ZNF614: variants seen among roughly 807,000 people sequenced by gnomAD.
The protein encoded by ZNF614 is zinc finger protein 614.
In ZNF614, 11 loss-of-function variants were observed where a neutral mutation model predicts 12.8. The observed-to-expected ratio is 0.86, with a 90% CI of 0.54 to 1.43. ZNF614 has a LOEUF of 1.43. Among genes scored for constraint, ZNF614 ranks in the 40% most tolerant of loss-of-function variants. The probability of loss-of-function intolerance (pLI) is 0.00; values close to 1 mark genes in which losing one functional copy is unlikely to be tolerated. For synonymous variants in ZNF614, 237 were observed against 237.5 expected (o/e 1.00, Z 0.02); for missense variants, 664 against 708.8 (o/e 0.94, Z 0.72).
Position 52,016,837 on chromosome 19 carries a change from G to A in ZNF614, c.761C>T (p.Thr254Ile). 1 of 1,613,796 alleles carries A rather than the reference G, an allele frequency of 6.2e-7. No individual in the cohort carries two copies. The highest frequency in any genetic ancestry group is 1.1e-5 in the South Asian group (1 of 91,084). The part of the protein sequence containing the change: ...VLFTKHLKTN[T>I]TDKICIPNEY... Reference sequence around the variant, plus strand: ...ATTGGGTATACAGATTTTGTCTGTTGTATTAGTTTTCAGATGCTTAGTGAA... The same window carrying A: ...ATTGGGTATACAGATTTTGTCTGTTATATTAGTTTTCAGATGCTTAGTGAA... The change falls in exon 5 of 5, where the codon ACA becomes ATA. Residue 254 changes from threonine to isoleucine, a missense_variant. Physicochemically the swap from Thr to Ile is moderately conservative, Grantham distance 89. Coordinates refer to ENST00000270649, the MANE Select transcript of ZNF614 (RefSeq NM_025040.4).
At chr19:52,025,440 T>C (rs893989679) in intron 2 of ZNF614, among the ~76,000 whole-genome samples, 2 of 152,108 alleles carry the variant, frequency 1.3e-5, no homozygotes, top group Admixed American at 6.5e-5. Context: ...TCTCCCACCT[T>C]AGCCTCCCGA....
At position 52,017,146 on chromosome 19, in the gene ZNF614, C is replaced by T; in HGVS notation, c.452G>A (p.Gly151Glu). Residue 151 changes from glycine (G) to glutamate (E), a missense_variant, in exon 5 of 5, where the codon GGA becomes GAA. Physicochemically the swap from Gly to Glu is moderately conservative, Grantham distance 98 (BLOSUM62 -2). Transcript: ENST00000270649. ...LSLINQKRRH[G>E]INNPVEFIGG... ...AATAAACTCAACAGGGTTATTTATT[C>T]CATGTCTTCTCTTCTGGTTGATTAA... 1 of 1,614,132 alleles carries T rather than the reference C, an allele frequency of 6.2e-7. No individual in the cohort carries two copies. Among genetic ancestry groups the T allele is most frequent in the South Asian group, 1.1e-5 (1 of 91,078 alleles).
At chr19:52,022,733 C>T (rs1238333521) in intron 2 of ZNF614, among the ~76,000 whole-genome samples, 1 of 152,038 alleles carries the variant, frequency 6.6e-6, no homozygotes, top group Non-Finnish European at 1.5e-5. Flanking sequence ...TAGAACAGCT[C>T]ATAGAACTCA....
chr19:52,026,585 C>CGTGGGAAGGGAAAGACCT (rs2086974938), intron 1 of ZNF614, among the ~76,000 whole-genome samples: 2 of 152,128 alleles, frequency 1.3e-5, no homozygotes, highest in Non-Finnish European at 2.9e-5. Context: ...GATATGGCCT[C>CGTGGGAAGGGAAAGACCT]GTGGGAAGGG....
At position 52,018,864 on chromosome 19, in the gene ZNF614, T is replaced by G. The variant is rs184288669; in HGVS notation, c.16-370A>C. Among the ~76,000 whole-genome samples, 42 of 152,292 alleles carry G rather than the reference T, an allele frequency of 2.8e-4. No individual in the cohort carries two copies. The East Asian group carries it at 7.9e-3, about 29-fold the overall frequency. The stretch of plus-strand genomic sequence containing the variant: ...AAGGCCCCTAAAGTTGATTAGATTT[T>G]TATTTATTTTTTAATTTTTAAAGAG... On this transcript the variant is annotated intron_variant, in intron 2 of 4. Coordinates refer to ENST00000270649, the MANE Select transcript of ZNF614 (RefSeq NM_025040.4).
chr19:52,016,237 G>A lies in ZNF614; in HGVS notation c.1361C>T (p.Pro454Leu). Reference protein sequence around the residue: ...IHQRTHTGEKPYECNECGKAF... With the variant: ...IHQRTHTGEKLYECNECGKAF... ...TTTACCACATTCATTGCATTCATAG[G>A]GTTTTTCTCCTGTATGAGTTCGCTG... Residue 454 changes from proline (P) to leucine (L), a missense_variant, in exon 5 of 5, where the codon CCC becomes CTC. Transcript: ENST00000270649. 1 of 1,614,132 alleles carries A rather than the reference G, an allele frequency of 6.2e-7. No homozygotes were observed. The highest frequency in any genetic ancestry group is 8.5e-7 in the Non-Finnish European group (1 of 1,180,026).
chr19:52,017,916 A>G (rs1003714090), intron 4 of ZNF614, 92 bp downstream of exon 4: 26 of 884,376 alleles, frequency 2.9e-5, no homozygotes, highest in Non-Finnish European at 4.5e-5. Flanking sequence ...GGAGCTGCTT[A>G]GGTACCCTCA....
intron 2 of ZNF614, among the ~76,000 whole-genome samples, chr19:52,019,237 T>C (rs2086919772): frequency 6.6e-6 from 1 of 152,072 alleles, no homozygotes; most frequent in African/African-American, 2.4e-5. Context: ...TGAAGATTAT[T>C]GGTGAATTGG....
rs1253466263 is a variant in ZNF614, at chr19:52,014,040, CTTAG to C, written c.*1796_*1799del. 1.3e-5 allele frequency: 2 copies of C among 150,300 alleles called. No homozygotes were observed. Among genetic ancestry groups the C allele is most frequent in the African/African-American group, 2.5e-5 (1 of 40,712 alleles). The allele number at this position is 150,300 out of a possible 1,614,324, so 9.3% of individuals were successfully genotyped here. ...TTTATAAACTGATCATCTCTATAATCTTAGTTAAGCAAGTCCAAATATGTTGTTA... is the reference window on the plus strand; with the variant it reads ...TTTATAAACTGATCATCTCTATAATCTTAAGCAAGTCCAAATATGTTGTTA... On this transcript the variant is annotated 3_prime_UTR_variant, in exon 5 of 5. Coordinates refer to ENST00000270649, the MANE Select transcript of ZNF614 (RefSeq NM_025040.4).
intron 4 of ZNF614, 173 bp downstream of exon 4, chr19:52,017,835 G>A: frequency 1.9e-6 from 1 of 513,072 alleles, no homozygotes; most frequent in South Asian, 3.6e-5. Context: ...TCAGATCCAA[G>A]AAAAGACAAA....
In ZNF614 at chr19:52,017,371, C is replaced by A. The variant is rs775101897; in HGVS notation, c.239-12G>T. On this transcript the variant is annotated splice_polypyrimidine_tract_variant and intron_variant, in intron 4 of 4. Transcript: ENST00000270649. ...AACTTTCCCGATTCCTAAGAAAGAACAGAGTAACAAATTCTTCCATGAGAA... is the reference window on the plus strand; with the variant it reads ...AACTTTCCCGATTCCTAAGAAAGAAAAGAGTAACAAATTCTTCCATGAGAA... 6.4e-7 allele frequency: 1 copy of A among 1,573,790 alleles called. No homozygotes were observed. Among genetic ancestry groups the A allele is most frequent in the Admixed American group, 1.8e-5 (1 of 54,168 alleles).
chr19:52,017,107 G>C lies in ZNF614; in HGVS notation c.491C>G (p.Thr164Arg), dbSNP rs772227118. The change falls in exon 5 of 5, where the codon ACA becomes AGA. Residue 164 changes from threonine to arginine, a missense_variant. Transcript: ENST00000270649. ...ACGTTCATGCTTACCATGTAGAAGT[G>C]TTTTCTCACCTCCAATAAACTCAAC... ...NPVEFIGGEK[T>R]LLHGKHERTH... The C allele has an allele frequency of 3.7e-6, 6 of 1,614,154 alleles. No individual in the cohort carries two copies. Among genetic ancestry groups the C allele is most frequent in the Non-Finnish European group, 4.2e-6 (5 of 1,180,020 alleles).
Position 52,025,778 on chromosome 19 carries a change from T to G in ZNF614, c.-33A>C, listed in dbSNP as rs2086967210. 6.2e-7 allele frequency: 1 copy of G among 1,612,222 alleles called. No homozygotes were observed. Among genetic ancestry groups the G allele is most frequent in the Non-Finnish European group, 8.5e-7 (1 of 1,178,782 alleles). On this transcript the variant is annotated 5_prime_UTR_variant, in exon 2 of 5. The change abolishes an upstream ATG in the 5' untranslated region. Transcript: ENST00000270649. ...TGTGCTCAGAAAATAGTGGATAACA[T>G]GGACTATACGTCTTTGTCTCTTCTG...
intron 2 of ZNF614, 87 bp downstream of exon 2, chr19:52,025,644 C>A: frequency 6.9e-7 from 1 of 1,455,512 alleles, no homozygotes; most frequent in Non-Finnish European, 9.6e-7. Context: ...CCCTAGAACA[C>A]AATTATCCCA....
At chr19:52,019,194 T>C (rs1470072999) in intron 2 of ZNF614, among the ~76,000 whole-genome samples, 2 of 152,076 alleles carry the variant, frequency 1.3e-5, no homozygotes, top group African/African-American at 4.8e-5. Context: ...CATATGTGTA[T>C]TAATGGACAG....
In ZNF614 at chr19:52,016,239, T is replaced by C. The variant is rs201085926; in HGVS notation, c.1359A>G (p.Lys453=). The C allele has an allele frequency of 5.6e-6, 9 of 1,613,988 alleles. No homozygotes were observed. Among genetic ancestry groups the C allele is most frequent in the Non-Finnish European group, 7.6e-6 (9 of 1,180,026 alleles). The change falls in exon 5 of 5, where the codon AAA becomes AAG. Residue 453 remains lysine, a synonymous_variant. Coordinates refer to ENST00000270649, the MANE Select transcript of ZNF614 (RefSeq NM_025040.4). ...TACCACATTCATTGCATTCATAGGGTTTTTCTCCTGTATGAGTTCGCTGAT... is the reference window on the plus strand; with the variant it reads ...TACCACATTCATTGCATTCATAGGGCTTTTCTCCTGTATGAGTTCGCTGAT... ...IIHQRTHTGE[K]PYECNECGKA...
At chr19:52,019,015 G>A (rs999637131) in intron 2 of ZNF614, among the ~76,000 whole-genome samples, 4 of 152,054 alleles carry the variant, frequency 2.6e-5, no homozygotes, top group African/African-American at 9.7e-5. Context: ...ACTACAGGTG[G>A]ATGCTACTAC....
At position 52,015,855 on chromosome 19, in the gene ZNF614, G is replaced by T; in HGVS notation, c.1743C>A (p.Leu581=). The T allele has an allele frequency of 6.2e-7, 1 of 1,610,926 alleles. No individual in the cohort carries two copies. The highest frequency in any genetic ancestry group is 8.5e-7 in the Non-Finnish European group (1 of 1,178,232). The part of the protein sequence containing the change: ...VENSCNGESQ[L]LPYK ...CTGCATGAGTTCACTTATAAGGAAG[G>T]AGCTGTGACTCTCCATTACAGGAGT... Residue 581 remains leucine (L), a synonymous_variant, in exon 5 of 5, where the codon CTC becomes CTA. Transcript: ENST00000270649.
Position 52,018,001 on chromosome 19 carries a change from C to G in ZNF614, c.238+7G>C. 6.2e-7 allele frequency: 1 copy of G among 1,610,906 alleles called. No homozygotes were observed. The highest frequency in any genetic ancestry group is 1.1e-5 in the South Asian group (1 of 90,884). On this transcript the variant is annotated splice_region_variant and intron_variant, in intron 4 of 4. Coordinates refer to ENST00000270649, the MANE Select transcript of ZNF614 (RefSeq NM_025040.4). ...TATAGCCACTGTCCTTGCTGGTTCT[C>G]ACTTACCTGGACAATTTTTATTCTG...
Sources: gnomAD v4.1 joint callset for allele counts (sites outside exome capture counted in the v4.1 genomes callset) on GRCh38, gnomAD v4.1.1 for gene constraint, MANE v1.5 for transcripts, NCBI Gene and HGNC (gene_info 2026-07-23, HGNC 2026-07-21) for gene names.